The following PLCG2 variants were observed in gnomAD, a reference collection of about 807,000 sequenced individuals.
The protein encoded by PLCG2 is phospholipase C gamma 2, also known as 1-phosphatidylinositol 4,5-bisphosphate phosphodiesterase gamma-2.
PLCG2 carries 69 observed loss-of-function variants against 175.6 expected under a neutral mutation model. That is an observed-to-expected ratio of 0.39 (90% confidence interval 0.32 to 0.48). The LOEUF is 0.48. Ranked by LOEUF, PLCG2 falls within the 20% of genes least tolerant of loss-of-function variation. PLCG2 has a pLI of 0.91. For synonymous variants in PLCG2, 827 were observed against 624.0 expected (o/e 1.33, Z -4.85); for missense variants, 1,798 against 1,650.9 (o/e 1.09, Z -1.54).
At chr16:81,838,656 C>T (rs1005327140) in intron 2 of PLCG2, among the ~76,000 whole-genome samples, 6 of 151,850 alleles carry the variant, frequency 4.0e-5, no homozygotes, top group Non-Finnish European at 8.8e-5. Context: ...ATACCTAATG[C>T]CTGCAGGGTT....
chr16:81,778,039 A>AAAAAC (rs1910504923), upstream of PLCG2, among the ~76,000 whole-genome samples: 63 of 80,374 alleles, frequency 7.8e-4, no homozygotes, highest in South Asian at 2.1e-3. Flanking sequence ...AAACAAAAAA[A>AAAAAC]AAACAAAAAA....
intron 28 of PLCG2, 70 bp from the exon 29 acceptor site, chr16:81,938,731 G>T: frequency 1.2e-6 from 1 of 868,398 alleles, no homozygotes. Context: ...CTAGAACCCA[G>T]CTGCAATCCA....
intron 5 of PLCG2, among the ~76,000 whole-genome samples, chr16:81,865,768 G>T (rs1010159747): frequency 1.4e-5 from 2 of 147,268 alleles, no homozygotes; most frequent in Non-Finnish European, 3.0e-5. Context: ...GTGAGAGGAC[G>T]CTGGCCTCTC....
At chr16:81,947,433 G>A (rs796927552) in intron 31 of PLCG2, among the ~76,000 whole-genome samples, 9 of 152,340 alleles carry the variant, frequency 5.9e-5, no homozygotes, top group African/African-American at 2.2e-4. Context: ...TCCACACTGG[G>A]ATGAAGAGTC....
In PLCG2 at chr16:81,865,627, C is replaced by G. The variant is rs565613963; in HGVS notation, c.480-3587C>G. Among the ~76,000 whole-genome samples the G allele has an allele frequency of 3.9e-5, 6 of 152,328 alleles. No homozygotes were observed. In the East Asian group the frequency reaches 7.7e-4, roughly 20 times the overall value. ...CTGGACATGGGATGGTTCCTTTGCC[C>G]TGCTGCTGTCTGGGCTCCTGGGGGG... is the stretch of plus-strand genomic sequence containing the variant. On this transcript the variant is annotated intron_variant, in intron 5 of 32. Coordinates refer to ENST00000564138, the MANE Select transcript of PLCG2 (RefSeq NM_002661.5).
At chr16:81,874,455 C>T (rs970859289) in intron 7 of PLCG2, among the ~76,000 whole-genome samples, 6 of 152,198 alleles carry the variant, frequency 3.9e-5, no homozygotes, top group African/African-American at 1.4e-4. Flanking sequence ...ATGTAGATGG[C>T]TTCTGGCCAG....
intron 10 of PLCG2, among the ~76,000 whole-genome samples, chr16:81,890,576 A>G (rs1384214162): frequency 1.3e-5 from 2 of 152,184 alleles, no homozygotes; most frequent in Admixed American, 1.3e-4. Flanking sequence ...GAGTTGAACC[A>G]TTGCAAGCAC....
At chr16:81,946,146 T>A in intron 30 of PLCG2, 29 bp from the exon 31 acceptor site, 1 of 1,571,854 alleles carries the variant, frequency 6.4e-7, no homozygotes, top group Non-Finnish European at 8.8e-7. Flanking sequence ...ATTACCTGCC[T>A]TTGCATTTTC....
intron 1 of PLCG2, among the ~76,000 whole-genome samples, chr16:81,784,182 G>A (rs1017070378): frequency 6.6e-6 from 1 of 152,190 alleles, no homozygotes; most frequent in African/African-American, 2.4e-5. Context: ...GTGTGCAGTA[G>A]AGGGAGGTGG....
intron 31 of PLCG2, among the ~76,000 whole-genome samples, chr16:81,953,930 T>C (rs1044221083): frequency 6.6e-6 from 1 of 152,200 alleles, no homozygotes; most frequent in Non-Finnish European, 1.5e-5. Context: ...ACCCATTATA[T>C]AGAATAAAAC....
intron 30 of PLCG2, among the ~76,000 whole-genome samples, chr16:81,943,390 G>C (rs1340267013): frequency 6.6e-6 from 1 of 152,062 alleles, no homozygotes; most frequent in African/African-American, 2.4e-5. Context: ...TGAAGGGGGA[G>C]GTACTACACA....
chr16:81,868,180 G>C (rs1048312512), intron 5 of PLCG2, among the ~76,000 whole-genome samples: 2 of 152,108 alleles, frequency 1.3e-5, no homozygotes, highest in Non-Finnish European at 2.9e-5. Context: ...GAGCCCTGGG[G>C]GTCAACCATG....
intron 2 of PLCG2, among the ~76,000 whole-genome samples, chr16:81,772,592 C>T (rs1469385986): frequency 6.6e-5 from 10 of 150,826 alleles, no homozygotes; most frequent in Non-Finnish European, 1.2e-4. Flanking sequence ...GGTGGATCAC[C>T]TGAGGTCAGG....
At chr16:81,873,075 T>C (rs758407891) in intron 7 of PLCG2, among the ~76,000 whole-genome samples, 8 of 152,210 alleles carry the variant, frequency 5.3e-5, no homozygotes, top group African/African-American at 9.7e-5. Flanking sequence ...GTTCATTTTT[T>C]CTCATATATA....
rs1041746138 is a variant in PLCG2 at position 81,889,399 on chromosome 16, G to T, written c.867+126G>T. The T allele has an allele frequency of 5.0e-6, 3 of 603,576 alleles. No individual in the cohort carries two copies. The African/African-American group carries it at 5.7e-5, about 11-fold the overall frequency. The allele number at this position is 603,576 out of a possible 1,614,324, so 37.4% of individuals were successfully genotyped here. ...CTGTATGATGTTGCCTCGACTGACT[G>T]GTTAGCTGGGATTGTTTCTTTTCTT... On this transcript the variant is annotated intron_variant, in intron 10 of 32. Transcript: ENST00000564138.
At chr16:81,785,005 A>G (rs1283836580) in intron 1 of PLCG2, among the ~76,000 whole-genome samples, 2 of 152,144 alleles carry the variant, frequency 1.3e-5, no homozygotes, top group East Asian at 1.9e-4. Context: ...TTCTAAAAGG[A>G]TCCTTCTGGC....
Position 81,876,016 on chromosome 16 carries a change from C to CTTTTT in PLCG2, c.649-4877_649-4873dup, listed in dbSNP as rs547152035. On this transcript the variant is annotated intron_variant, in intron 7 of 32. Transcript: ENST00000564138. ...CTCTGGTTAGCTTTTCTTTTTCTTT[C>CTTTTT]TTTTTTTTTTTTTTTTTTTTTGTTT... 3.1e-3 allele frequency among the ~76,000 whole-genome samples: 356 copies of CTTTTT among 114,970 alleles called. 7 individuals are homozygous for CTTTTT. Among genetic ancestry groups the CTTTTT allele is most frequent in the Non-Finnish European group, 3.5e-3 (201 of 57,070 alleles). The allele number at this position is 114,970 out of a possible 152,430, so 75.4% of individuals were successfully genotyped here.
chr16:81,899,324 A>G (rs1909041003), intron 13 of PLCG2, among the ~76,000 whole-genome samples: 1 of 151,912 alleles, frequency 6.6e-6, no homozygotes, highest in Admixed American at 6.6e-5. Flanking sequence ...ATGTGTGTAT[A>G]TATACGTATA....
intron 2 of PLCG2, among the ~76,000 whole-genome samples, chr16:81,826,063 A>G (rs1905032998): frequency 2.0e-5 from 3 of 152,204 alleles, no homozygotes. Context: ...ACGTGTCCAA[A>G]ATGGAATTTG....
Sources: allele counts gnomAD v4.1 joint callset (sites outside exome capture counted in the v4.1 genomes callset), GRCh38; gene constraint gnomAD v4.1.1; transcripts MANE v1.5; gene names NCBI Gene and HGNC (gene_info 2026-07-23, HGNC 2026-07-21).